The following WNK4 variants were observed in gnomAD, a reference collection of about 807,000 sequenced individuals.
WNK4 encodes serine/threonine-protein kinase WNK4.
Under a neutral mutation model 116.2 loss-of-function variants are expected in WNK4, and 94 were observed. The observed-to-expected ratio is 0.81, with a 90% CI of 0.68 to 0.96. The LOEUF is 0.96. Among genes scored for constraint, WNK4 ranks in the 40% least tolerant of loss-of-function variants. The pLI, the probability that WNK4 is intolerant of heterozygous loss-of-function variation, is 0.00. For missense variants in WNK4, 1,542 were observed against 1,650.6 expected (o/e 0.93, Z 1.14); for synonymous variants, 655 against 672.7 (o/e 0.97, Z 0.41).
rs1277205537 is a variant in WNK4, at chr17:42,784,743, A to T, written c.1170+164A>T. On this transcript the variant is annotated intron_variant, in intron 4 of 18. Transcript: ENST00000246914. This position sits in a 1 kb window ranked among gnomAD's most constrained non-coding sequence, Gnocchi z 4.4. ...TATTGAGTGCACACGCGCCCCCACC[A>T]GTACACGCTATTTAGAATAATAATA... Among the ~76,000 whole-genome samples, 1 of 152,146 alleles carries T rather than the reference A, an allele frequency of 6.6e-6. No homozygotes were observed. The highest frequency in any genetic ancestry group is 2.4e-5 in the African/African-American group (1 of 41,380).
chr17:42,795,270 C>A lies in WNK4; in HGVS notation c.2849C>A (p.Ser950Tyr). Residue 950 changes from serine (S) to tyrosine (Y), a missense_variant, in exon 14 of 19, where the codon TCC (serine) becomes TAC (tyrosine). Coordinates refer to ENST00000246914, the MANE Select transcript of WNK4 (RefSeq NM_032387.5). ...SLLSPSPGLL[S>Y]QSPPAPPSPL... ...CTGTCCCCCTCACCTGGGCTCCTTTCCCAGTCTCCTCCAGCCCCTCCTAGT... is the reference window on the plus strand; with the variant it reads ...CTGTCCCCCTCACCTGGGCTCCTTTACCAGTCTCCTCCAGCCCCTCCTAGT... The A allele has an allele frequency of 6.2e-7, 1 of 1,613,872 alleles. No homozygotes were observed. The highest frequency in any genetic ancestry group is 1.1e-5 in the South Asian group (1 of 91,070).
In WNK4 at chr17:42,784,926, T is replaced by TGGTG; in HGVS notation, c.1171-169_1171-168insTGGG. Among the ~76,000 whole-genome samples the TGGTG allele has an allele frequency of 8.8e-6, 1 of 113,188 alleles. No individual in the cohort carries two copies. Among genetic ancestry groups the TGGTG allele is most frequent in the African/African-American group, 3.9e-5 (1 of 25,414 alleles). The allele number at this position is 113,188 out of a possible 152,430, so 74.3% of individuals were successfully genotyped here. A position where few individuals can be genotyped will look rare whatever the true frequency, so the allele number is the denominator to read the frequency against. On this transcript the variant is annotated intron_variant, in intron 4 of 18. Transcript: ENST00000246914. The surrounding 1 kb of genome is among the most constrained non-coding windows in gnomAD (Gnocchi z 4.4). Reference sequence around the variant, plus strand: ...TGTTCAAGATCACACTGTAAATACTTGGGGGGGGGGCGGGGATTAGGATTT... The same window carrying TGGTG: ...TGTTCAAGATCACACTGTAAATACTTGGTGGGGGGGGGGGCGGGGATTAGGATTT...
chr17:42,790,951 G>A (rs984169469), intron 11 of WNK4, among the ~76,000 whole-genome samples: 8 of 152,110 alleles, frequency 5.3e-5, no homozygotes, highest in South Asian at 4.1e-4. Flanking sequence ...ATCACCTTCC[G>A]TCAAACCACT....
chr17:42,783,655 C>T (rs2054508328), intron 2 of WNK4: 1 of 543,880 alleles, frequency 1.8e-6, no homozygotes. Context: ...AGCTCTCCCT[C>T]ATGCTTGGGG....
chr17:42,793,853 G>C, intron 12 of WNK4, 124 bp downstream of exon 12: 2 of 1,297,698 alleles, frequency 1.5e-6, no homozygotes, highest in Non-Finnish European at 2.1e-6. Context: ...TAAAACAGTG[G>C]CGCTTTTTTT....
chr17:42,785,077 T>C lies in WNK4; in HGVS notation c.1171-20T>C, dbSNP rs374825006. The C allele has an allele frequency of 1.1e-4, 170 of 1,607,608 alleles. No individual in the cohort carries two copies. Among genetic ancestry groups the C allele is most frequent in the Middle Eastern group, 4.9e-4 (3 of 6,076 alleles). ...GCTGGGGATCAGAGGACGGGAGGTG[T>C]CATGCAACCCCTTCCCCAGGGCAGA... On this transcript the variant is annotated intron_variant, in intron 4 of 18. Coordinates refer to ENST00000246914, the MANE Select transcript of WNK4 (RefSeq NM_032387.5).
chr17:42,784,297 C>T lies in WNK4; in HGVS notation c.1013-125C>T. Reference sequence around the variant, plus strand: ...AGGGAAGCTGAGGAGACCTATGGCACCCACCTCAACCCCACTGTGGGCCGG... The same window carrying T: ...AGGGAAGCTGAGGAGACCTATGGCATCCACCTCAACCCCACTGTGGGCCGG... On this transcript the variant is annotated intron_variant, in intron 3 of 18. Transcript: ENST00000246914. The surrounding 1 kb of genome is among the most constrained non-coding windows in gnomAD (Gnocchi z 4.4). The T allele has an allele frequency of 6.5e-7, 1 of 1,530,100 alleles. No individual in the cohort carries two copies. The highest frequency in any genetic ancestry group is 8.9e-7 in the Non-Finnish European group (1 of 1,117,624). The allele number at this position is 1,530,100 out of a possible 1,614,324, so 94.8% of individuals were successfully genotyped here. A position where few individuals can be genotyped will look rare whatever the true frequency, so the allele number is the denominator to read the frequency against.
At position 42,785,381 on chromosome 17, in the gene WNK4, A is replaced by T. The variant is rs1230500079; in HGVS notation, c.1375A>T (p.Met459Leu). 4 of 1,599,962 alleles carry T rather than the reference A, an allele frequency of 2.5e-6. No homozygotes were observed. In the South Asian group the frequency reaches 4.5e-5, roughly 18 times the overall value. Residue 459 changes from methionine to leucine, a missense_variant, in exon 6 of 19, where the codon ATG becomes TTG. Met to Leu is a conservative substitution (Grantham distance 15, BLOSUM62 2). Coordinates refer to ENST00000246914, the MANE Select transcript of WNK4 (RefSeq NM_032387.5). Reference sequence around the variant, plus strand: ...GCCGGGCCTCAAGCTCTGGCTGCGCATGGAGGACGCGCGGCGCGGGGGGCG... The same window carrying T: ...GCCGGGCCTCAAGCTCTGGCTGCGCTTGGAGGACGCGCGGCGCGGGGGGCG... ...EKPGLKLWLR[M>L]EDARRGGRPR...
intron 2 of WNK4, among the ~76,000 whole-genome samples, chr17:42,783,245 G>T (rs1453680877): frequency 2.6e-5 from 4 of 151,952 alleles, no homozygotes; most frequent in Admixed American, 2.6e-4. Flanking sequence ...ATGCCATCTC[G>T]CTGATCTGGA....
rs1320095284 is a variant in WNK4, at chr17:42,795,780, G to A, written c.3178G>A (p.Ala1060Thr). The A allele has an allele frequency of 6.2e-7, 1 of 1,613,866 alleles. No individual in the cohort carries two copies. The highest frequency in any genetic ancestry group is 8.5e-7 in the Non-Finnish European group (1 of 1,180,040). Residue 1060 changes from alanine (A) to threonine (T), a missense_variant, in exon 16 of 19, where the codon GCT becomes ACT. Physicochemically the swap from Ala to Thr is moderately conservative, Grantham distance 58. This residue lies in a region of WNK4 where 292 missense variants were observed against 290.1 expected (regional missense o/e 1.01). Transcript: ENST00000246914. ...TSESSDTEDS[A>T]GGGPETREAL... ...AGAGAGCTCAGATACAGAGGACAGT[G>A]CTGGAGGCGGGCCAGAGACCAGGGA...
chr17:42,794,539 G>C lies in WNK4; in HGVS notation c.2296-75G>C, dbSNP rs61755618. On this transcript the variant is annotated intron_variant, in intron 12 of 18. Coordinates refer to ENST00000246914, the MANE Select transcript of WNK4 (RefSeq NM_032387.5). ...CTATAGGTTCATGGGTCCTAGCTTA[G>C]GAACCCCGGTCTGACACCTTCCATC... is the stretch of plus-strand genomic sequence containing the variant. 1,466 of 1,561,656 alleles carry C rather than the reference G, an allele frequency of 9.4e-4. 1 individual carries two copies. Among genetic ancestry groups the C allele is most frequent in the Middle Eastern group, 2.3e-3 (11 of 4,758 alleles).
Position 42,784,333 on chromosome 17 carries a change from A to G in WNK4, c.1013-89A>G. ...CCCACTGTGGGCCGGGGTCACTTGC[A>G]CTCGCAGGGTTGCCTGGGGCTGCCT... On this transcript the variant is annotated intron_variant, in intron 3 of 18. Coordinates refer to ENST00000246914, the MANE Select transcript of WNK4 (RefSeq NM_032387.5). The surrounding 1 kb of genome is among the most constrained non-coding windows in gnomAD (Gnocchi z 4.4). 6.4e-7 allele frequency: 1 copy of G among 1,570,660 alleles called. No homozygotes were observed. Among genetic ancestry groups the G allele is most frequent in the Non-Finnish European group, 8.7e-7 (1 of 1,154,614 alleles).
Position 42,795,975 on chromosome 17 carries a change from TCAGAAAG to T in WNK4, c.3377_3383del (p.Glu1126ValfsTer91). Reference sequence around the variant, plus strand: ...CAGCCTGTGTTTGAGCAGCGAGGAGTCAGAAAGCAGTGGGGAAGATGAGGAGTTCTGG... The same window carrying T: ...CAGCCTGTGTTTGAGCAGCGAGGAGTCAGTGGGGAAGATGAGGAGTTCTGG... On this transcript the variant is annotated frameshift_variant, in exon 16 of 19. Coordinates refer to ENST00000246914, the MANE Select transcript of WNK4 (RefSeq NM_032387.5). LOFTEE classifies it high-confidence loss of function. 6.2e-7 allele frequency: 1 copy of T among 1,612,982 alleles called. No individual in the cohort carries two copies. The highest frequency in any genetic ancestry group is 8.5e-7 in the Non-Finnish European group (1 of 1,179,828).
chr17:42,796,498 T>A lies in WNK4; in HGVS notation c.3649T>A (p.Ser1217Thr). 7 of 1,613,644 alleles carry A rather than the reference T, an allele frequency of 4.3e-6. No homozygotes were observed. The highest frequency in any genetic ancestry group is 5.9e-6 in the Non-Finnish European group (7 of 1,179,782). ...GCTCCCAGGCATCATGCGAAGGAACTCTCTGAGTGGCAGCAGCACCGGCTC... is the reference window on the plus strand; with the variant it reads ...GCTCCCAGGCATCATGCGAAGGAACACTCTGAGTGGCAGCAGCACCGGCTC... ...PPGPGIMRRN[S>T]LSGSSTGSQE... is the part of the protein sequence containing the mutation. The change falls in exon 18 of 19, where the codon TCT becomes ACT. Residue 1217 changes from serine (S) to threonine (T), a missense_variant. Coordinates refer to ENST00000246914, the MANE Select transcript of WNK4 (RefSeq NM_032387.5).
chr17:42,794,732 G>C, intron 13 of WNK4, 40 bp from the exon 14 acceptor site: 1 of 1,613,850 alleles, frequency 6.2e-7, no homozygotes, highest in Non-Finnish European at 8.5e-7. Context: ...AAGGGCATAG[G>C]GCATGTGGGA....
chr17:42,782,497 C>G lies in WNK4; in HGVS notation c.619-261C>G, dbSNP rs779248517. ...ACTATTGAGCTCAGGGCTCTGGGAC[C>G]GGGCTGCATAAAGGTGCTTGTGTCC... On this transcript the variant is annotated intron_variant, in intron 1 of 18. Coordinates refer to ENST00000246914, the MANE Select transcript of WNK4 (RefSeq NM_032387.5). The surrounding 1 kb of genome is among the most constrained non-coding windows in gnomAD (Gnocchi z 4.2). 3.9e-5 allele frequency among the ~76,000 whole-genome samples: 6 copies of G among 152,236 alleles called. No individual in the cohort carries two copies. Among genetic ancestry groups the G allele is most frequent in the Admixed American group, 6.5e-5 (1 of 15,290 alleles).
chr17:42,785,943 T>A (rs373842932), intron 6 of WNK4, among the ~76,000 whole-genome samples: 2 of 152,204 alleles, frequency 1.3e-5, no homozygotes, highest in Non-Finnish European at 2.9e-5. Context: ...TAAGTTCCTA[T>A]CTTTCTTCTC....
At chr17:42,785,810 T>C (rs909069809) in intron 6 of WNK4, among the ~76,000 whole-genome samples, 1 of 152,180 alleles carries the variant, frequency 6.6e-6, no homozygotes, top group Admixed American at 6.5e-5. Context: ...TTTCTTCCAA[T>C]ATGATCAGAA....
In WNK4 at chr17:42,784,555, G is replaced by A. The variant is rs1479205751; in HGVS notation, c.1146G>A (p.Ala382=). 6.2e-7 allele frequency: 1 copy of A among 1,614,152 alleles called. No homozygotes were observed. Residue 382 remains alanine, a synonymous_variant, in exon 4 of 19, where the codon GCG becomes GCA. Coordinates refer to ENST00000246914, the MANE Select transcript of WNK4 (RefSeq NM_032387.5). The surrounding 1 kb of genome is among the most constrained non-coding windows in gnomAD (Gnocchi z 4.4). ...EYPYSECQNA[A]QIYRKVTSGR... Reference sequence around the variant, plus strand: ...CGTACTCCGAGTGCCAGAATGCCGCGCAAATCTACCGCAAGGTCACTTCGG... The same window carrying A: ...CGTACTCCGAGTGCCAGAATGCCGCACAAATCTACCGCAAGGTCACTTCGG...
Sources: allele counts gnomAD v4.1 joint callset (sites outside exome capture counted in the v4.1 genomes callset), GRCh38; gene constraint gnomAD v4.1.1; regional missense constraint gnomAD v4.1.1; non-coding constraint Gnocchi (gnomAD v3.1); transcripts MANE v1.5; gene names NCBI Gene and HGNC (gene_info 2026-07-23, HGNC 2026-07-21).